DLEU7: variants seen among roughly 807,000 people sequenced by gnomAD.
DLEU7 encodes deleted in lymphocytic leukemia 7.
In DLEU7, 17 loss-of-function variants were observed where a neutral mutation model predicts 16.0. The ratio of observed to expected loss-of-function variants is 1.06; its 90% confidence interval spans 0.73 to 1.59. The LOEUF (loss-of-function observed/expected upper bound fraction) is 1.59. DLEU7 is among the 40% of genes most tolerant of loss of function. The pLI is 0.00. For synonymous variants in DLEU7, 113 were observed against 139.8 expected (o/e 0.81, Z 1.35); for missense variants, 308 against 314.9 (o/e 0.98, Z 0.17).
At chr13:50,787,813 A>G (rs1875831092) in intron 1 of DLEU7, among the ~76,000 whole-genome samples, 1 of 151,114 alleles carries the variant, frequency 6.6e-6, no homozygotes, top group Non-Finnish European at 1.5e-5. Flanking sequence ...TCCCCGATGG[A>G]CTCTGTGGCC....
intron 1 of DLEU7, among the ~76,000 whole-genome samples, chr13:50,832,277 G>T (rs186885418): frequency 2.4e-4 from 37 of 152,252 alleles, no homozygotes; most frequent in Non-Finnish European, 3.5e-4. Flanking sequence ...TTGCACAGAG[G>T]TGTTTATAGT....
At chr13:50,767,346 C>T (rs570226546) in intron 1 of DLEU7, among the ~76,000 whole-genome samples, 3 of 150,680 alleles carry the variant, frequency 2.0e-5, no homozygotes, top group East Asian at 2.0e-4. Context: ...GTCCCAGCTA[C>T]GCGGGAGGCT....
At chr13:50,733,013 A>G (rs1566232510) in intron 1 of DLEU7, among the ~76,000 whole-genome samples, 1 of 152,194 alleles carries the variant, frequency 6.6e-6, no homozygotes. Flanking sequence ...TCTGCTGGTT[A>G]TCAAACGCAC....
downstream of DLEU7, among the ~76,000 whole-genome samples, chr13:50,820,168 G>A (rs1876853668): frequency 6.6e-6 from 1 of 152,106 alleles, no homozygotes; most frequent in African/African-American, 2.4e-5. Context: ...CAGGAGTCTT[G>A]ACAAGAGAAG....
At chr13:50,712,622 T>A (rs1873323422) in exon 2 of DLEU7, 1 of 152,696 alleles carries the variant, frequency 6.5e-6, no homozygotes, top group Non-Finnish European at 1.5e-5. Context: ...AAATGGAAGC[T>A]GAACTCGCAT....
At chr13:50,801,814 A>G (rs1253099779) in intron 1 of DLEU7, among the ~76,000 whole-genome samples, 1 of 152,160 alleles carries the variant, frequency 6.6e-6, no homozygotes, top group Admixed American at 6.6e-5. Flanking sequence ...ATCTGTTTCC[A>G]TGGTAGTGTT....
chr13:50,770,731 C>A (rs1323455336), intron 1 of DLEU7, among the ~76,000 whole-genome samples: 1 of 152,060 alleles, frequency 6.6e-6, no homozygotes, highest in African/African-American at 2.4e-5. Context: ...GTCTAAAATT[C>A]TCTTTTTTTG....
At chr13:50,761,162 A>C (rs1257985859) in intron 1 of DLEU7, among the ~76,000 whole-genome samples, 1 of 152,022 alleles carries the variant, frequency 6.6e-6, no homozygotes, top group Non-Finnish European at 1.5e-5. Context: ...CAACCAGAGC[A>C]CCATTCATAT....
intron 1 of DLEU7, among the ~76,000 whole-genome samples, chr13:50,806,976 C>CA (rs556761618): frequency 0.025 from 1,370 of 53,854 alleles, 27 homozygotes; most frequent in Non-Finnish European, 0.036. Context: ...GACTCCCTCT[C>CA]AAAAAAAAAA....
intron 1 of DLEU7, among the ~76,000 whole-genome samples, chr13:50,719,258 C>T (rs1873527295): frequency 6.6e-6 from 1 of 152,172 alleles, no homozygotes; most frequent in African/African-American, 2.4e-5. Flanking sequence ...TATCAGGACT[C>T]TAGCCAGCTT....
intron 1 of DLEU7, among the ~76,000 whole-genome samples, chr13:50,783,793 C>G (rs1875722888): frequency 6.6e-6 from 1 of 151,302 alleles, no homozygotes; most frequent in Admixed American, 6.6e-5. Context: ...ACTCCAGCAA[C>G]AGACACTTTT....
At chr13:50,839,855 G>A (rs1331043686) in intron 1 of DLEU7, among the ~76,000 whole-genome samples, 2 of 152,184 alleles carry the variant, frequency 1.3e-5, no homozygotes, top group Non-Finnish European at 2.9e-5. Context: ...CTGACTAAAT[G>A]CATTATCTCA....
intron 1 of DLEU7, among the ~76,000 whole-genome samples, chr13:50,833,595 T>A (rs1482304586): frequency 6.6e-6 from 1 of 152,134 alleles, no homozygotes; most frequent in Non-Finnish European, 1.5e-5. Flanking sequence ...GAATGAATAT[T>A]GTGAAAATGG....
intron 1 of DLEU7, among the ~76,000 whole-genome samples, chr13:50,777,638 C>T (rs955823809): frequency 7.9e-5 from 12 of 152,172 alleles, no homozygotes; most frequent in African/African-American, 2.9e-4. Context: ...CATTTTTATG[C>T]ATGGCATTAC....
chr13:50,770,769 G>A lies in DLEU7; in HGVS notation c.460-57529C>T, dbSNP rs191788308. Among the ~76,000 whole-genome samples, 35 of 152,240 alleles carry A rather than the reference G, an allele frequency of 2.3e-4. 1 individual carries two copies. In the East Asian group the frequency reaches 6.8e-3, roughly 29 times the overall value. Reference sequence around the variant, plus strand: ...GTGTCTCTGCCTGGCTTTGGTATCAGGATGATGCTGGCCTCATAAAATGAA... The same window carrying A: ...GTGTCTCTGCCTGGCTTTGGTATCAAGATGATGCTGGCCTCATAAAATGAA... On this transcript the variant is annotated intron_variant, in intron 1 of 1. Transcript: ENST00000400393.
intron 1 of DLEU7, among the ~76,000 whole-genome samples, chr13:50,742,565 C>T (rs1286345384): frequency 2.0e-5 from 3 of 152,008 alleles, no homozygotes; most frequent in Non-Finnish European, 2.9e-5. Flanking sequence ...GGTTTGCAGC[C>T]CTGTTTTCTT....
intron 1 of DLEU7, among the ~76,000 whole-genome samples, chr13:50,785,788 G>C (rs892888743): frequency 1.6e-4 from 24 of 152,310 alleles, no homozygotes; most frequent in African/African-American, 5.5e-4. Context: ...TCCAAGAATA[G>C]AGCATTTATC....
At chr13:50,751,018 T>G (rs1874546553) in intron 1 of DLEU7, among the ~76,000 whole-genome samples, 1 of 152,202 alleles carries the variant, frequency 6.6e-6, no homozygotes, top group Admixed American at 6.5e-5. Flanking sequence ...TGCTCAGCTC[T>G]CAGAGGGAAT....
At chr13:50,781,699 C>T (rs755369831) in intron 1 of DLEU7, among the ~76,000 whole-genome samples, 4 of 152,030 alleles carry the variant, frequency 2.6e-5, no homozygotes, top group Non-Finnish European at 5.9e-5. Flanking sequence ...CTGTCTTTGC[C>T]GGGAAGACTC....
Sources: allele counts gnomAD v4.1 joint callset (sites outside exome capture counted in the v4.1 genomes callset), GRCh38; gene constraint gnomAD v4.1.1; transcripts MANE v1.5; gene names NCBI Gene and HGNC (gene_info 2026-07-23, HGNC 2026-07-21).